CLIP2: variants seen among roughly 807,000 people sequenced by gnomAD.
CLIP2 encodes the protein CAP-Gly domain-containing linker protein 2.
A neutral mutation model predicts 111.7 loss-of-function variants in CLIP2; 41 were observed. The ratio of observed to expected loss-of-function variants is 0.37; its 90% CI spans 0.29 to 0.48. CLIP2 has a LOEUF of 0.48. Ranked by LOEUF, CLIP2 falls within the 20% of genes least tolerant of loss-of-function variation. The probability of loss-of-function intolerance (pLI) is 0.99; values close to 1 mark genes in which losing one functional copy is unlikely to be tolerated. For synonymous variants in CLIP2, 660 were observed against 644.2 expected (o/e 1.02, Z -0.37); for missense variants, 1,160 against 1,422.1 (o/e 0.82, Z 2.96).
At chr7:74,307,822 G>T (rs934294993) in intron 1 of CLIP2, among the ~76,000 whole-genome samples, 3 of 152,170 alleles carry the variant, frequency 2.0e-5, no homozygotes, top group Non-Finnish European at 4.4e-5. Context: ...AGGCTGCTGG[G>T]GGGTGGTTCA....
At chr7:74,303,847 G>T (rs1413277859) in intron 1 of CLIP2, among the ~76,000 whole-genome samples, 1 of 149,278 alleles carries the variant, frequency 6.7e-6, no homozygotes, top group Admixed American at 6.8e-5. Context: ...AGCAGGCGGA[G>T]GTTGCAGTGA....
chr7:74,376,939 G>T lies in CLIP2; in HGVS notation c.2421+117G>T. ...TTCCCTTGTCCCCGAGAGCATGCCTGGGGCAGTCAAGGAAGGGGTCACCTG... is the reference window on the plus strand; with the variant it reads ...TTCCCTTGTCCCCGAGAGCATGCCTTGGGCAGTCAAGGAAGGGGTCACCTG... On this transcript the variant is annotated intron_variant, in intron 10 of 16. Coordinates refer to ENST00000223398, the MANE Select transcript of CLIP2 (RefSeq NM_003388.5). The surrounding 1 kb of genome is among the most constrained non-coding windows in gnomAD (Gnocchi z 7.1). The T allele has an allele frequency of 9.1e-7, 1 of 1,098,524 alleles. No homozygotes were observed. The allele number at this position is 1,098,524 out of a possible 1,614,324, so 68.0% of individuals were successfully genotyped here.
intron 1 of CLIP2, among the ~76,000 whole-genome samples, chr7:74,314,039 C>T (rs781953591): frequency 6.6e-6 from 1 of 151,950 alleles, no homozygotes. Context: ...AAAAATTAGC[C>T]GGGCCTGGTG....
Position 74,380,808 on chromosome 7 carries a change from G to A in CLIP2, c.2424G>A (p.Met808Ile), listed in dbSNP as rs1554313767. 6.2e-7 allele frequency: 1 copy of A among 1,606,156 alleles called. No individual in the cohort carries two copies. The highest frequency in any genetic ancestry group is 8.5e-7 in the Non-Finnish European group (1 of 1,174,764). Residue 808 changes from methionine (M) to isoleucine (I), a missense_variant and splice_region_variant, in exon 11 of 17, where the codon ATG becomes ATA. Met to Ile is a conservative substitution (Grantham distance 10, BLOSUM62 1). Coordinates refer to ENST00000223398, the MANE Select transcript of CLIP2 (RefSeq NM_003388.5). ...EALCSSQHTH[M>I]IESNDISEET... ...CCTTACAGGGGCTCTTTTTGCAGAT[G>A]ATTGAGTCGAATGACATTTCAGAGG...
chr7:74,292,363 T>A (rs1160847925), intron 1 of CLIP2, among the ~76,000 whole-genome samples: 1 of 152,138 alleles, frequency 6.6e-6, no homozygotes, highest in Non-Finnish European at 1.5e-5. Context: ...AAAAAGTATA[T>A]ATTAAGTGCT....
intron 2 of CLIP2, among the ~76,000 whole-genome samples, chr7:74,333,780 G>A (rs1554731703): frequency 6.6e-6 from 1 of 152,210 alleles, no homozygotes; most frequent in African/African-American, 2.4e-5. Context: ...ATGGTGCCCA[G>A]CCTCATGTGA....
Position 74,376,045 on chromosome 7 carries a change from G to A in CLIP2, c.1644G>A (p.Arg548=). The stretch of plus-strand genomic sequence containing the variant: ...CCGAGATCCTGCGGCTACGGGAGCG[G>A]CTGCTCTCGGCCAGCAAGGAACACC... ...DAAEILRLRE[R]LLSASKEHQR... is the part of the protein sequence containing the mutation. The change falls in exon 10 of 17, where the codon CGG becomes CGA. Residue 548 remains arginine, a synonymous_variant. Transcript: ENST00000223398. The surrounding 1 kb of genome is among the most constrained non-coding windows in gnomAD (Gnocchi z 7.1). 1 of 1,612,780 alleles carries A rather than the reference G, an allele frequency of 6.2e-7. No individual in the cohort carries two copies. The highest frequency in any genetic ancestry group is 8.5e-7 in the Non-Finnish European group (1 of 1,179,906).
chr7:74,396,207 A>G (rs1346353870), intron 13 of CLIP2, among the ~76,000 whole-genome samples: 1 of 152,166 alleles, frequency 6.6e-6, no homozygotes, highest in Non-Finnish European at 1.5e-5. Flanking sequence ...CTCCAGGTAG[A>G]TCCTGTCAGT....
intron 8 of CLIP2, among the ~76,000 whole-genome samples, chr7:74,365,501 T>A (rs2116629268): frequency 6.6e-6 from 1 of 152,284 alleles, no homozygotes; most frequent in South Asian, 2.1e-4. Context: ...ACCTACCAGC[T>A]GTCATTGAGA....
At position 74,400,597 on chromosome 7, in the gene CLIP2, G is replaced by A. The variant is rs76087583; in HGVS notation, c.3066+42G>A. On this transcript the variant is annotated intron_variant, in intron 15 of 16. Coordinates refer to ENST00000223398, the MANE Select transcript of CLIP2 (RefSeq NM_003388.5). ...AGGGCCCACCAGGAGGCAAGCCACG[G>A]GGCAGTGTCCTCGGAGCCCCCGTCT... The A allele has an allele frequency of 4.1e-3, 6,110 of 1,489,820 alleles. 24 individuals carry two copies. The highest frequency in any genetic ancestry group is 4.3e-3 in the Non-Finnish European group (4,783 of 1,114,140). The allele number at this position is 1,489,820 out of a possible 1,614,324, so 92.3% of individuals were successfully genotyped here. A position where few individuals can be genotyped will look rare whatever the true frequency, so the allele number is the denominator to read the frequency against.
chr7:74,360,544 A>T (rs1163937970), intron 7 of CLIP2, among the ~76,000 whole-genome samples: 2 of 152,006 alleles, frequency 1.3e-5, no homozygotes, highest in Admixed American at 1.3e-4. Flanking sequence ...GCACAGAGGG[A>T]CACCACATTT....
At chr7:74,351,703 A>G (rs1790004748) in intron 3 of CLIP2, among the ~76,000 whole-genome samples, 1 of 151,928 alleles carries the variant, frequency 6.6e-6, no homozygotes, top group Non-Finnish European at 1.5e-5. Context: ...GGGCATGGTG[A>G]CAAACGCCTA....
intron 1 of CLIP2, among the ~76,000 whole-genome samples, chr7:74,294,459 A>G (rs982811037): frequency 6.6e-6 from 1 of 152,184 alleles, no homozygotes; most frequent in Non-Finnish European, 1.5e-5. Flanking sequence ...TTCTTGCTCC[A>G]TGGCTGGGAT....
rs1788947934 is a variant in CLIP2, at chr7:74,321,380, CAG to C, written c.121+3716_121+3717del. On this transcript the variant is annotated intron_variant, in intron 2 of 16. Coordinates refer to ENST00000223398, the MANE Select transcript of CLIP2 (RefSeq NM_003388.5). The stretch of plus-strand genomic sequence containing the variant: ...TTATCGTGGTCCCACAGGATTCTAA[CAG>C]AGCTGAGCATTTCCTATTGCCGACA... 3.3e-5 allele frequency among the ~76,000 whole-genome samples: 5 copies of C among 152,328 alleles called. No homozygotes were observed. In the South Asian group the frequency reaches 1.0e-3, roughly 32 times the overall value.
chr7:74,344,755 A>G (rs369734550), intron 3 of CLIP2, among the ~76,000 whole-genome samples: 1 of 152,146 alleles, frequency 6.6e-6, no homozygotes, highest in Non-Finnish European at 1.5e-5. Flanking sequence ...TTGGAATTAC[A>G]GAGCAGCAGG....
At chr7:74,313,582 C>T (rs1056713813) in intron 1 of CLIP2, among the ~76,000 whole-genome samples, 11 of 151,646 alleles carry the variant, frequency 7.3e-5, no homozygotes, top group Non-Finnish European at 4.4e-5. Flanking sequence ...AAATGAAGAG[C>T]CCAAGTGGCC....
chr7:74,338,758 G>A lies in CLIP2; in HGVS notation c.432G>A (p.Lys144=). 1 of 1,605,350 alleles carries A rather than the reference G, an allele frequency of 6.2e-7. No homozygotes were observed. ...ALQGIFTRPS[K]LTRQPTAEGS... ...AGGGTATCTTCACGCGGCCCTCCAA[G>A]CTGACCCGGCAGCCCACGGCCGAGG... The change falls in exon 3 of 17, where the codon AAG becomes AAA. Residue 144 remains lysine, a synonymous_variant. Transcript: ENST00000223398. The surrounding 1 kb of genome is among the most constrained non-coding windows in gnomAD (Gnocchi z 4.3).
At position 74,357,415 on chromosome 7, in the gene CLIP2, G is replaced by A. The variant is rs1554308674; in HGVS notation, c.1153G>A (p.Ala385Thr). 1.2e-6 allele frequency: 2 copies of A among 1,607,482 alleles called. No homozygotes were observed. Among genetic ancestry groups the A allele is most frequent in the East Asian group, 2.2e-5 (1 of 44,458 alleles). The change falls in exon 6 of 17, where the codon GCC (alanine) becomes ACC (threonine). Residue 385 changes from alanine (A) to threonine (T), a missense_variant. This residue lies in a region of CLIP2 where 70 missense variants were observed against 114.9 expected (regional missense o/e 0.61). Transcript: ENST00000223398. ...RDLERAEVAK[A>T]TSHICEVEKE... ...CCTGGAACGGGCTGAGGTGGCCAAG[G>A]CCACAAGCCACATCTGCGAGGTGGA...
intron 3 of CLIP2, among the ~76,000 whole-genome samples, chr7:74,349,502 A>G (rs1395169016): frequency 7.3e-6 from 1 of 137,036 alleles, no homozygotes; most frequent in Non-Finnish European, 1.6e-5. Flanking sequence ...ATATATATAT[A>G]TATATATATG....
Sources: allele counts gnomAD v4.1 joint callset (sites outside exome capture counted in the v4.1 genomes callset), GRCh38; gene constraint gnomAD v4.1.1; regional missense constraint gnomAD v4.1.1; non-coding constraint Gnocchi (gnomAD v3.1); transcripts MANE v1.5; gene names NCBI Gene and HGNC (gene_info 2026-07-23, HGNC 2026-07-21).